XDH: variants seen among roughly 807,000 people sequenced by gnomAD.
XDH encodes xanthine dehydrogenase, also known as xanthine dehydrogenase/oxidase.
XDH carries 138 observed loss-of-function variants against 156.1 expected under a neutral mutation model. The observed-to-expected ratio is 0.88, with a 90% CI of 0.77 to 1.02. The LOEUF (loss-of-function observed/expected upper bound fraction) is 1.02, where lower values mean the gene tolerates loss of function less well. Among genes scored for constraint, XDH ranks in the 50% least tolerant of loss-of-function variants. The probability of loss-of-function intolerance (pLI) is 0.00; values close to 1 mark genes in which losing one functional copy is unlikely to be tolerated. For synonymous variants in XDH, 669 were observed against 625.7 expected (o/e 1.07, Z -1.03); for missense variants, 1,849 against 1,684.9 (o/e 1.10, Z -1.71).
chr2:31,410,756 C>T (rs993888820), intron 1 of XDH, among the ~76,000 whole-genome samples: 1 of 152,128 alleles, frequency 6.6e-6, no homozygotes, highest in Non-Finnish European at 1.5e-5. Context: ...AAAAACTGGC[C>T]TGTTCTTTTC....
chr2:31,393,145 T>C (rs1686811896), intron 6 of XDH, among the ~76,000 whole-genome samples: 1 of 152,236 alleles, frequency 6.6e-6, no homozygotes, highest in Non-Finnish European at 1.5e-5. Flanking sequence ...GTCAATTATA[T>C]CCAATTAATT....
chr2:31,388,269 C>A lies in XDH; in HGVS notation c.522G>T (p.Gly174=), dbSNP rs759462982. The A allele has an allele frequency of 1.4e-5, 22 of 1,614,044 alleles. No individual in the cohort carries two copies. The Admixed American group carries it at 2.2e-4, about 16-fold the overall frequency. The change falls in exon 7 of 36, where the codon GGG becomes GGT. Residue 174 remains glycine (G), a synonymous_variant. Transcript: ENST00000379416. ...GGTTCATGCAGCAATTTGGATTATT[C>A]CCATCTCCTCCACAGCATCCACCAT... ...ARDGGCCGGD[G]NNPNCCMNQK... is the part of the protein sequence containing the mutation.
At chr2:31,382,591 C>T (rs1042985355) in intron 11 of XDH, among the ~76,000 whole-genome samples, 1 of 152,162 alleles carries the variant, frequency 6.6e-6, no homozygotes, top group African/African-American at 2.4e-5. Context: ...CTCCCTATAG[C>T]TCTGAAAGGA....
In XDH at chr2:31,383,169, G is replaced by A. The variant is rs372070057; in HGVS notation, c.887-17C>T. On this transcript the variant is annotated splice_polypyrimidine_tract_variant and intron_variant, in intron 10 of 35. Transcript: ENST00000379416. ...AGGAGATACCTGGGAACGCACGTTC[G>A]GAATCACAGCAATTCTTCCCACAGT... 22 of 1,613,966 alleles carry A rather than the reference G, an allele frequency of 1.4e-5. No homozygotes were observed. The highest frequency in any genetic ancestry group is 2.2e-5 in the South Asian group (2 of 91,068).
chr2:31,337,450 G>T (rs1354341141), intron 35 of XDH, among the ~76,000 whole-genome samples, 191 bp downstream of exon 35: 1 of 152,152 alleles, frequency 6.6e-6, no homozygotes, highest in Non-Finnish European at 1.5e-5. Context: ...GCTTTAAGGA[G>T]GTTTCTCATT....
intron 9 of XDH, 100 bp from the exon 10 acceptor site, chr2:31,383,947 A>G: frequency 9.8e-7 from 1 of 1,016,538 alleles, no homozygotes. Context: ...TATATGACAT[A>G]TCCACAATCA....
chr2:31,361,807 G>A (rs1037644287), intron 24 of XDH, among the ~76,000 whole-genome samples: 6 of 152,142 alleles, frequency 3.9e-5, no homozygotes, highest in Admixed American at 2.0e-4. Flanking sequence ...TATTAATAGT[G>A]TATTTTACAA....
chr2:31,409,454 T>C (rs2148013342), intron 1 of XDH, among the ~76,000 whole-genome samples: 1 of 152,280 alleles, frequency 6.6e-6, no homozygotes, highest in East Asian at 1.9e-4. Flanking sequence ...TTAAAGGTCT[T>C]TCCATCTCCC....
chr2:31,352,201 C>A (rs762480394), intron 24 of XDH, among the ~76,000 whole-genome samples: 2 of 151,944 alleles, frequency 1.3e-5, no homozygotes, highest in Non-Finnish European at 2.9e-5. Flanking sequence ...GGAGATTTGT[C>A]AAGTTTCTTT....
At chr2:31,387,937 T>G in intron 7 of XDH, 40 bp from the exon 8 acceptor site, 41 of 1,546,958 alleles carry the variant, frequency 2.7e-5, no homozygotes, top group Non-Finnish European at 3.5e-5. Flanking sequence ...CAGTATCTCC[T>G]CCTTTCAAAC....
At chr2:31,379,005 A>G (rs970882614) in intron 13 of XDH, among the ~76,000 whole-genome samples, 1 of 152,206 alleles carries the variant, frequency 6.6e-6, no homozygotes, top group African/African-American at 2.4e-5. Context: ...GGAGGTCAAA[A>G]TTACCAAGGG....
chr2:31,338,755 G>A (rs112521097), intron 34 of XDH, among the ~76,000 whole-genome samples: 50,339 of 122,610 alleles, frequency 0.41, 11,472 homozygotes, highest in East Asian at 0.58. Flanking sequence ...ACAGAGTCTC[G>A]CTCTGTCGCC....
chr2:31,405,824 G>C, intron 2 of XDH, 83 bp downstream of exon 2: 1 of 1,532,282 alleles, frequency 6.5e-7, no homozygotes, highest in South Asian at 1.1e-5. Context: ...CACCCCACCA[G>C]TCACTAGGAA....
chr2:31,366,868 A>C lies in XDH; in HGVS notation c.2322+2T>G. 1 of 1,614,054 alleles carries C rather than the reference A, an allele frequency of 6.2e-7. No individual in the cohort carries two copies. Among genetic ancestry groups the C allele is most frequent in the Non-Finnish European group, 8.5e-7 (1 of 1,180,014 alleles). ...CCTTGAGCTGACCCAAAAGGCATCT[A>C]CCTGGGTCTTCATGGTGTTCTGTGT... On this transcript the variant is annotated splice_donor_variant, in intron 21 of 35. Transcript: ENST00000379416. LOFTEE classifies it high-confidence loss of function.
chr2:31,384,297 C>T (rs1442649481), intron 9 of XDH: 2 of 181,950 alleles, frequency 1.1e-5, no homozygotes, highest in Non-Finnish European at 2.4e-5. Flanking sequence ...AGCTGAGGCA[C>T]AGAAAAGTTA....
chr2:31,384,007 G>A, intron 9 of XDH, 160 bp from the exon 10 acceptor site: 1 of 721,932 alleles, frequency 1.4e-6, no homozygotes, highest in East Asian at 2.8e-5. Flanking sequence ...AAACTCAGTA[G>A]ACCAGGGGTG....
chr2:31,405,238 T>C (rs978787302), intron 2 of XDH, among the ~76,000 whole-genome samples: 1 of 152,186 alleles, frequency 6.6e-6, no homozygotes, highest in Non-Finnish European at 1.5e-5. Context: ...ATCCTGCCTG[T>C]ATATAGGAAG....
chr2:31,381,490 A>G (rs1686435317), intron 12 of XDH, 143 bp downstream of exon 12: 23 of 852,404 alleles, frequency 2.7e-5, no homozygotes, highest in South Asian at 2.5e-4. Context: ...AACCAGGTAC[A>G]TTCTCCATGC....
At chr2:31,341,756 G>A (rs1263488422) in intron 32 of XDH, among the ~76,000 whole-genome samples, 5 of 152,136 alleles carry the variant, frequency 3.3e-5, no homozygotes, top group Admixed American at 2.6e-4. Context: ...TACGTTCCAT[G>A]GGCTAAATCC....
Sources: gnomAD v4.1 joint callset for allele counts (sites outside exome capture counted in the v4.1 genomes callset) on GRCh38, gnomAD v4.1.1 for gene constraint, MANE v1.5 for transcripts, NCBI Gene and HGNC (gene_info 2026-07-23, HGNC 2026-07-21) for gene names.